The following FRMD4A variants were observed in gnomAD, a reference collection of about 807,000 sequenced individuals.
FRMD4A encodes FERM domain containing 4A.
Under a neutral mutation model 129.1 loss-of-function variants are expected in FRMD4A, and 29 were observed. The observed-to-expected ratio is 0.22, with a 90% confidence interval of 0.17 to 0.31. The LOEUF (loss-of-function observed/expected upper bound fraction) is 0.31. Among genes scored for constraint, FRMD4A ranks in the 10% least tolerant of loss-of-function variants. The pLI is 1.00. For synonymous variants in FRMD4A, 634 were observed against 571.6 expected (o/e 1.11, Z -1.56); for missense variants, 1,272 against 1,375.8 (o/e 0.92, Z 1.19).
intron 2 of FRMD4A, among the ~76,000 whole-genome samples, chr10:14,043,407 A>C (rs1255808611): frequency 6.6e-6 from 1 of 152,194 alleles, no homozygotes; most frequent in Non-Finnish European, 1.5e-5. Context: ...TGATTTATCC[A>C]CAAATTTTTT....
chr10:14,059,873 G>A (rs1036315345), intron 2 of FRMD4A, among the ~76,000 whole-genome samples: 33 of 152,270 alleles, frequency 2.2e-4, no homozygotes, highest in East Asian at 9.6e-4. Context: ...TATGTGCCAG[G>A]CACCCTTCCA....
chr10:13,751,922 G>T (rs2091645456), intron 8 of FRMD4A, among the ~76,000 whole-genome samples: 1 of 152,198 alleles, frequency 6.6e-6, no homozygotes, highest in East Asian at 1.9e-4. Flanking sequence ...AGGCTAAAGT[G>T]GGAGGATTGC....
intron 5 of FRMD4A, among the ~76,000 whole-genome samples, chr10:13,795,856 G>C (rs1437378790): frequency 6.6e-6 from 1 of 152,152 alleles, no homozygotes; most frequent in Non-Finnish European, 1.5e-5. Flanking sequence ...GGTAAGTCCT[G>C]TTGTCTTCAT....
chr10:13,671,085 G>T (rs1222486839), intron 16 of FRMD4A, among the ~76,000 whole-genome samples: 1 of 152,182 alleles, frequency 6.6e-6, no homozygotes, highest in Non-Finnish European at 1.5e-5. Context: ...ACTGAGTAAG[G>T]ATAGTAACCT....
At chr10:13,743,025 A>G (rs961075450) in intron 9 of FRMD4A, among the ~76,000 whole-genome samples, 14 of 152,302 alleles carry the variant, frequency 9.2e-5, no homozygotes, top group African/African-American at 3.1e-4. Context: ...TTTGATGCAT[A>G]GAGGACAGTG....
At chr10:13,834,513 T>G (rs2130951402) in intron 3 of FRMD4A, among the ~76,000 whole-genome samples, 1 of 152,338 alleles carries the variant, frequency 6.6e-6, no homozygotes, top group South Asian at 2.1e-4. Context: ...GGAGGCTTCT[T>G]GGAGTTCCTC....
At chr10:13,961,625 T>C (rs2095445961) in intron 2 of FRMD4A, among the ~76,000 whole-genome samples, 1 of 152,210 alleles carries the variant, frequency 6.6e-6, no homozygotes, top group African/African-American at 2.4e-5. Flanking sequence ...TTCCTACTTA[T>C]CTTTAAGACC....
chr10:13,909,686 C>T lies in FRMD4A; in HGVS notation c.46-50774G>A, dbSNP rs571779398. 5.9e-5 allele frequency among the ~76,000 whole-genome samples: 9 copies of T among 152,232 alleles called. No individual in the cohort carries two copies. The East Asian group carries it at 1.4e-3, about 23-fold the overall frequency. ...AGAAATTGCCCAAACTTAACACTGT[C>T]GCAATGCCATTTAAAAACTCATAAT... On this transcript the variant is annotated intron_variant, in intron 2 of 24. Coordinates refer to ENST00000357447, the MANE Select transcript of FRMD4A (RefSeq NM_018027.5).
At position 13,728,698 on chromosome 10, in the gene FRMD4A, G is replaced by A. The variant is rs376743737; in HGVS notation, c.759+9146C>T. 2.2e-4 allele frequency among the ~76,000 whole-genome samples: 33 copies of A among 150,330 alleles called. No homozygotes were observed. The South Asian group carries it at 4.7e-3, about 21-fold the overall frequency. ...CAATTCTCCTGTCTCAGCCTCTTGA[G>A]TGGCTGGGATTACAGGCGTATATCA... On this transcript the variant is annotated intron_variant, in intron 12 of 24. Transcript: ENST00000357447.
chr10:14,253,538 C>G (rs544528594), intron 2 of FRMD4A, among the ~76,000 whole-genome samples: 1 of 152,262 alleles, frequency 6.6e-6, no homozygotes, highest in Admixed American at 6.5e-5. Context: ...ATCGTTATAG[C>G]TTTAGTAATT....
chr10:14,241,783 C>G (rs1189021768), intron 2 of FRMD4A, among the ~76,000 whole-genome samples: 1 of 130,410 alleles, frequency 7.7e-6, no homozygotes, highest in African/African-American at 2.9e-5. Context: ...ATAAAATGAA[C>G]AGAACAGAAG....
intron 2 of FRMD4A, among the ~76,000 whole-genome samples, chr10:13,950,843 C>A (rs959903475): frequency 1.3e-5 from 2 of 152,228 alleles, no homozygotes; most frequent in Non-Finnish European, 2.9e-5. Flanking sequence ...CCTTATCCTG[C>A]TTATTTGTTT....
chr10:14,185,675 G>C (rs181386238), intron 2 of FRMD4A, among the ~76,000 whole-genome samples: 3 of 152,318 alleles, frequency 2.0e-5, no homozygotes, highest in African/African-American at 4.8e-5. Flanking sequence ...CAGATGAGCA[G>C]AAGAGAGGAT....
chr10:13,698,952 G>A (rs946736033), intron 14 of FRMD4A, among the ~76,000 whole-genome samples: 2 of 151,882 alleles, frequency 1.3e-5, no homozygotes, highest in South Asian at 2.1e-4. Flanking sequence ...GTCCCCAAGG[G>A]TTACTTTTAC....
chr10:14,056,667 CTTGTT>C (rs1337349033), intron 2 of FRMD4A, among the ~76,000 whole-genome samples: 2 of 152,148 alleles, frequency 1.3e-5, no homozygotes, highest in Non-Finnish European at 2.9e-5. Context: ...CATGGTGTTG[CTTGTT>C]TGCTACTGGC....
At chr10:14,176,754 G>A (rs968153473) in intron 2 of FRMD4A, among the ~76,000 whole-genome samples, 4 of 152,084 alleles carry the variant, frequency 2.6e-5, no homozygotes, top group Non-Finnish European at 4.4e-5. Flanking sequence ...TTACAGGCAT[G>A]AGCCACTGCA....
rs2092116802 is a variant in FRMD4A, at chr10:13,762,527, G to C, written c.441+97C>G. On this transcript the variant is annotated intron_variant, in intron 7 of 24. Coordinates refer to ENST00000357447, the MANE Select transcript of FRMD4A (RefSeq NM_018027.5). ...CTAAAAAAAGGTAAGACGACAAATAGTGAGTAGATACAGCTACTGGCTATG... is the reference window on the plus strand; with the variant it reads ...CTAAAAAAAGGTAAGACGACAAATACTGAGTAGATACAGCTACTGGCTATG... 4.1e-6 allele frequency: 3 copies of C among 723,876 alleles called. No homozygotes were observed. The South Asian group carries it at 4.9e-5, about 12-fold the overall frequency. The allele number at this position is 723,876 out of a possible 1,614,324, so 44.8% of individuals were successfully genotyped here. A position where few individuals can be genotyped will look rare whatever the true frequency, so the allele number is the denominator to read the frequency against.
intron 13 of FRMD4A, among the ~76,000 whole-genome samples, chr10:13,706,293 G>T (rs1047568813): frequency 6.6e-6 from 1 of 152,122 alleles, no homozygotes; most frequent in African/African-American, 2.4e-5. Context: ...TGTTTTTGGG[G>T]ATGCATATAA....
chr10:13,823,178 G>A (rs1387974744), intron 3 of FRMD4A, among the ~76,000 whole-genome samples: 1 of 152,140 alleles, frequency 6.6e-6, no homozygotes, highest in Admixed American at 6.5e-5. Flanking sequence ...CATAATGATT[G>A]CTCCTCTAGA....
Sources: allele counts gnomAD v4.1 joint callset (sites outside exome capture counted in the v4.1 genomes callset), GRCh38; gene constraint gnomAD v4.1.1; transcripts MANE v1.5; gene names NCBI Gene and HGNC (gene_info 2026-07-23, HGNC 2026-07-21).